Variants in SDK1 observed in about 807,000 individuals in gnomAD.
SDK1 encodes sidekick cell adhesion molecule 1.
A neutral mutation model predicts 245.5 loss-of-function variants in SDK1; 157 were observed. The observed-to-expected ratio is 0.64, with a 90% CI of 0.56 to 0.73. The LOEUF (loss-of-function observed/expected upper bound fraction) is 0.73, where lower values mean the gene tolerates loss of function less well. Among genes scored for constraint, SDK1 ranks in the 30% least tolerant of loss-of-function variants. The probability of loss-of-function intolerance (pLI) is 0.00; values close to 1 mark genes in which losing one functional copy is unlikely to be tolerated. For synonymous variants in SDK1, 1,647 were observed against 1,278.5 expected (o/e 1.29, Z -6.15); for missense variants, 3,583 against 3,002.3 (o/e 1.19, Z -4.52).
At chr7:3,532,697 G>C (rs1452166409) in intron 1 of SDK1, among the ~76,000 whole-genome samples, 1 of 152,218 alleles carries the variant, frequency 6.6e-6, no homozygotes, top group South Asian at 2.1e-4. Flanking sequence ...TGGGATTCTT[G>C]CCTCTCACTT....
At chr7:4,031,642 A>C (rs993293995) in intron 17 of SDK1, among the ~76,000 whole-genome samples, 5 of 152,218 alleles carry the variant, frequency 3.3e-5, no homozygotes, top group Admixed American at 2.0e-4. Context: ...TAGATATAGC[A>C]ACTATCTACA....
At chr7:3,608,477 T>C (rs1239181847) in intron 1 of SDK1, among the ~76,000 whole-genome samples, 1 of 152,192 alleles carries the variant, frequency 6.6e-6, no homozygotes, top group African/African-American at 2.4e-5. Context: ...TGAAAACAAC[T>C]GACAGTATTT....
intron 1 of SDK1, among the ~76,000 whole-genome samples, chr7:3,328,316 A>T (rs1233573247): frequency 6.6e-6 from 1 of 152,106 alleles, no homozygotes; most frequent in Non-Finnish European, 1.5e-5. Flanking sequence ...AATTAGGCTT[A>T]TTTTAAGGTC....
In SDK1 at chr7:3,316,573, A is replaced by G. The variant is rs575269613; in HGVS notation, c.298+14689A>G. Among the ~76,000 whole-genome samples, 4 of 152,292 alleles carry G rather than the reference A, an allele frequency of 2.6e-5. No individual in the cohort carries two copies. In the East Asian group the frequency reaches 7.7e-4, roughly 29 times the overall value. Reference sequence around the variant, plus strand: ...ATAAATGTAAATTGGAGCATTATGTATATATGCTGTAGTGTAGTAGGCAAC... The same window carrying G: ...ATAAATGTAAATTGGAGCATTATGTGTATATGCTGTAGTGTAGTAGGCAAC... On this transcript the variant is annotated intron_variant, in intron 1 of 44. Transcript: ENST00000404826.
intron 17 of SDK1, among the ~76,000 whole-genome samples, chr7:4,038,208 A>G (rs775541414): frequency 9.2e-5 from 14 of 152,170 alleles, no homozygotes; most frequent in Admixed American, 2.0e-4. Flanking sequence ...AGAGCTCCCC[A>G]GAGGATCGAC....
intron 19 of SDK1, among the ~76,000 whole-genome samples, chr7:4,059,310 TA>T (rs1779389177): frequency 6.6e-6 from 1 of 152,158 alleles, no homozygotes; most frequent in Non-Finnish European, 1.5e-5. Flanking sequence ...TACGCTTAGA[TA>T]AAATACTTTA....
intron 38 of SDK1, among the ~76,000 whole-genome samples, chr7:4,218,139 C>T (rs959700844): frequency 1.3e-5 from 2 of 152,136 alleles, no homozygotes; most frequent in Admixed American, 6.5e-5. Flanking sequence ...CACGGTGGCT[C>T]ATGTCTGTAA....
At chr7:3,949,949 A>G (rs1304075630) in intron 5 of SDK1, among the ~76,000 whole-genome samples, 1 of 152,246 alleles carries the variant, frequency 6.6e-6, no homozygotes, top group African/African-American at 2.4e-5. Flanking sequence ...ACTGCTTTCC[A>G]GTGACACCCA....
intron 1 of SDK1, among the ~76,000 whole-genome samples, chr7:3,552,427 A>G (rs1385611736): frequency 1.3e-5 from 2 of 151,658 alleles, no homozygotes; most frequent in South Asian, 4.2e-4. Flanking sequence ...TCACTCAGCC[A>G]CTCTTTTTGC....
At chr7:4,258,553 A>G (rs1306015818) in intron 44 of SDK1, among the ~76,000 whole-genome samples, 2 of 152,236 alleles carry the variant, frequency 1.3e-5, no homozygotes, top group East Asian at 1.9e-4. Context: ...CCTCCCTGCT[A>G]CTAAAAGGAC....
chr7:4,046,368 T>C (rs1789017336), intron 17 of SDK1, among the ~76,000 whole-genome samples: 1 of 152,210 alleles, frequency 6.6e-6, no homozygotes, highest in Admixed American at 6.5e-5. Flanking sequence ...GTCCTTGATA[T>C]TCTATCTGAG....
At chr7:3,677,321 A>C (rs888401020) in intron 4 of SDK1, among the ~76,000 whole-genome samples, 9 of 152,200 alleles carry the variant, frequency 5.9e-5, no homozygotes, top group African/African-American at 2.2e-4. Context: ...AGTCTGTTCT[A>C]ACACTGCTAG....
chr7:3,823,453 G>T (rs959275524), intron 5 of SDK1, among the ~76,000 whole-genome samples: 1 of 152,136 alleles, frequency 6.6e-6, no homozygotes, highest in Admixed American at 6.5e-5. Context: ...TTATAAAACA[G>T]TCCGTACCTA....
In SDK1 at chr7:4,247,405, G is replaced by A. The variant is rs141125698; in HGVS notation, c.6381+1600G>A. Among the ~76,000 whole-genome samples, 10 of 152,332 alleles carry A rather than the reference G, an allele frequency of 6.6e-5. No individual in the cohort carries two copies. The East Asian group carries it at 1.9e-3, about 29-fold the overall frequency. On this transcript the variant is annotated intron_variant, in intron 44 of 44. Transcript: ENST00000404826. ...GGCAGCAAAGCAGATGCTCGGAAAG[G>A]GACATTTGTCTAAAACTCAGGGGCT... is the stretch of plus-strand genomic sequence containing the variant.
At chr7:3,821,117 C>CT in intron 4 of SDK1, among the ~76,000 whole-genome samples, 1 of 152,196 alleles carries the variant, frequency 6.6e-6, no homozygotes. Flanking sequence ...TCTAACTGGT[C>CT]TTGTTATGCA....
chr7:3,500,880 A>G (rs1782186110), intron 1 of SDK1, among the ~76,000 whole-genome samples: 1 of 149,620 alleles, frequency 6.7e-6, no homozygotes. Flanking sequence ...AACTGATATT[A>G]TTTTCTTCTA....
chr7:4,121,389 T>A (rs1411719022), intron 25 of SDK1, among the ~76,000 whole-genome samples: 9 of 152,146 alleles, frequency 5.9e-5, no homozygotes, highest in African/African-American at 2.2e-4. Context: ...ATTTCCGCCA[T>A]GCTGTTCTCA....
chr7:4,106,289 C>T (rs976005135), intron 22 of SDK1, among the ~76,000 whole-genome samples: 4 of 150,914 alleles, frequency 2.7e-5, no homozygotes, highest in Non-Finnish European at 4.4e-5. Flanking sequence ...CACTGTCCCC[C>T]GTTTCTTTTT....
At chr7:3,463,756 C>G (rs1425691044) in intron 1 of SDK1, among the ~76,000 whole-genome samples, 2 of 152,206 alleles carry the variant, frequency 1.3e-5, no homozygotes, top group Non-Finnish European at 2.9e-5. Context: ...GAATGCTGGT[C>G]TCTCCATACA....
Sources: gnomAD v4.1 joint callset for allele counts (sites outside exome capture counted in the v4.1 genomes callset) on GRCh38, gnomAD v4.1.1 for gene constraint, MANE v1.5 for transcripts, NCBI Gene and HGNC (gene_info 2026-07-23, HGNC 2026-07-21) for gene names.